ICA1: variants seen among roughly 807,000 people sequenced by gnomAD.
ICA1 encodes islet cell autoantigen 1.
ICA1 carries 40 observed loss-of-function variants against 71.0 expected under a neutral mutation model. That is an observed-to-expected ratio of 0.56 (90% CI 0.44 to 0.73). The LOEUF is 0.73. ICA1 is among the 30% of genes least tolerant of loss of function. ICA1 has a pLI of 0.00. For synonymous variants in ICA1, 207 were observed against 209.5 expected (o/e 0.99, Z 0.10); for missense variants, 578 against 576.5 (o/e 1.00, Z -0.03).
intron 6 of ICA1, among the ~76,000 whole-genome samples, chr7:8,162,943 T>C (rs896276023): frequency 2.6e-5 from 4 of 152,204 alleles, no homozygotes; most frequent in African/African-American, 7.2e-5. Flanking sequence ...TTTGTATTTT[T>C]AGTAGAGATA....
At chr7:8,261,237 T>C (rs1007274518) in intron 1 of ICA1, among the ~76,000 whole-genome samples, 1 of 152,144 alleles carries the variant, frequency 6.6e-6, no homozygotes, top group African/African-American at 2.4e-5. Context: ...TTCGCCAGAA[T>C]AAGGGCGCGA....
intron 8 of ICA1, among the ~76,000 whole-genome samples, chr7:8,153,613 AG>A (rs1422062404): frequency 2.6e-5 from 4 of 152,138 alleles, no homozygotes; most frequent in Non-Finnish European, 2.9e-5. Context: ...AATTTAAGAT[AG>A]GGTACTGCTC....
At chr7:8,216,631 T>C (rs950208802) in intron 6 of ICA1, among the ~76,000 whole-genome samples, 3 of 151,406 alleles carry the variant, frequency 2.0e-5, no homozygotes, top group African/African-American at 7.3e-5. Context: ...AGAATAATCA[T>C]ATATTTATCT....
intron 8 of ICA1, among the ~76,000 whole-genome samples, chr7:8,155,520 T>C (rs779813805): frequency 3.9e-5 from 6 of 152,232 alleles, no homozygotes; most frequent in Non-Finnish European, 8.8e-5. Context: ...GTACTTTATA[T>C]GCAACTAACT....
Position 8,178,589 on chromosome 7 carries a change from T to TA in ICA1, c.580-19938_580-19937insT, listed in dbSNP as rs1562861571. ...TTGGTGTGGTCTTTTTTTTTTTTTTTTAAAAAAGAAGACATTGCTGCAGTA... is the reference window on the plus strand; with the variant it reads ...TTGGTGTGGTCTTTTTTTTTTTTTTTATAAAAAAGAAGACATTGCTGCAGTA... On this transcript the variant is annotated intron_variant, in intron 6 of 13. Transcript: ENST00000402384. Among the ~76,000 whole-genome samples, 122 of 147,416 alleles carry TA rather than the reference T, an allele frequency of 8.3e-4. No homozygotes were observed. The Middle Eastern group carries it at 0.014, about 17-fold the overall frequency.
At chr7:8,172,691 T>C (rs1236944150) in intron 6 of ICA1, among the ~76,000 whole-genome samples, 1 of 152,202 alleles carries the variant, frequency 6.6e-6, no homozygotes. Context: ...CATCTAGAAG[T>C]GATCAGTTCT....
chr7:8,262,541 T>A (rs143640860), upstream of ICA1: 1,543 of 152,280 alleles, frequency 0.01, 15 homozygotes, highest in Admixed American at 0.022. Context: ...CCCGCTCGGA[T>A]CCGCCGCCCA....
At chr7:8,150,763 C>A (rs1798523079) in intron 8 of ICA1, among the ~76,000 whole-genome samples, 1 of 152,216 alleles carries the variant, frequency 6.6e-6, no homozygotes, top group Non-Finnish European at 1.5e-5. Flanking sequence ...TAAGCAAACA[C>A]TTCAAAGTGC....
intron 2 of ICA1, among the ~76,000 whole-genome samples, chr7:8,235,141 G>A (rs1801449700): frequency 6.6e-6 from 1 of 151,752 alleles, no homozygotes; most frequent in African/African-American, 2.4e-5. Context: ...TCCAGCCTGG[G>A]TGACAGAGTG....
At chr7:8,145,746 G>GTATATATATATATATATATATATATATA (rs199855161) in intron 8 of ICA1, among the ~76,000 whole-genome samples, 9 of 33,468 alleles carry the variant, frequency 2.7e-4, no homozygotes, top group East Asian at 4.1e-3. Flanking sequence ...TGGAATCATT[G>GTATATATATATATATATATATATATATA]TGTATATATA....
At chr7:8,184,288 A>G (rs1024043989) in intron 6 of ICA1, among the ~76,000 whole-genome samples, 2 of 152,210 alleles carry the variant, frequency 1.3e-5, no homozygotes, top group Non-Finnish European at 2.9e-5. Flanking sequence ...CTTACATTAT[A>G]GATGTACATA....
intron 6 of ICA1, among the ~76,000 whole-genome samples, chr7:8,209,816 T>C (rs1007449246): frequency 9.8e-5 from 15 of 152,292 alleles, no homozygotes; most frequent in African/African-American, 3.1e-4. Flanking sequence ...AGGGAATTTC[T>C]GGTGGGAGAA....
At chr7:8,167,635 T>A (rs903493865) in intron 6 of ICA1, among the ~76,000 whole-genome samples, 1 of 151,822 alleles carries the variant, frequency 6.6e-6, no homozygotes. Flanking sequence ...AAATAAATGT[T>A]AAAAAAAAGC....
At chr7:8,249,172 A>G (rs896744674) in intron 1 of ICA1, among the ~76,000 whole-genome samples, 3 of 152,290 alleles carry the variant, frequency 2.0e-5, no homozygotes, top group Non-Finnish European at 4.4e-5. Flanking sequence ...GGAAACTGCC[A>G]GGGTTTGAGG....
intron 12 of ICA1, among the ~76,000 whole-genome samples, chr7:8,129,824 G>A (rs986742960): frequency 4.6e-5 from 7 of 151,656 alleles, no homozygotes; most frequent in Admixed American, 2.6e-4. Context: ...TTTAACATTA[G>A]GTATATCTCC....
At chr7:8,169,111 A>G (rs1189355556) in intron 6 of ICA1, among the ~76,000 whole-genome samples, 1 of 152,148 alleles carries the variant, frequency 6.6e-6, no homozygotes, top group African/African-American at 2.4e-5. Context: ...AATTATGCCA[A>G]GTAGTCTATA....
At chr7:8,137,511 T>C (rs1793823258) in intron 12 of ICA1, among the ~76,000 whole-genome samples, 1 of 152,198 alleles carries the variant, frequency 6.6e-6, no homozygotes, top group Admixed American at 6.5e-5. Context: ...CAAAAAATAA[T>C]TTGTGAAAGA....
Position 8,226,130 on chromosome 7 carries a change from G to C in ICA1, c.256+2471C>G, listed in dbSNP as rs578044988. ...TTTTCCCACATCTGGCTGGGTTTAA[G>C]TATTTTTTGAGTCTATGAAATGTTA... On this transcript the variant is annotated intron_variant, in intron 4 of 13. Transcript: ENST00000402384. The surrounding 1 kb of genome is among the most constrained non-coding windows in gnomAD (Gnocchi z 4.4). 6.6e-6 allele frequency among the ~76,000 whole-genome samples: 1 copy of C among 152,194 alleles called. No homozygotes were observed. Among genetic ancestry groups the C allele is most frequent in the East Asian group, 1.9e-4 (1 of 5,172 alleles).
intron 12 of ICA1, among the ~76,000 whole-genome samples, chr7:8,137,907 T>A (rs1039099362): frequency 3.3e-5 from 5 of 152,194 alleles, no homozygotes; most frequent in African/African-American, 7.2e-5. Context: ...CAGACTGAAC[T>A]GAGTTGTCTG....
Sources: allele counts gnomAD v4.1 joint callset (sites outside exome capture counted in the v4.1 genomes callset), GRCh38; gene constraint gnomAD v4.1.1; non-coding constraint Gnocchi (gnomAD v3.1); transcripts MANE v1.5; gene names NCBI Gene and HGNC (gene_info 2026-07-23, HGNC 2026-07-21).